The following ZFPM2 variants were observed in gnomAD, a reference collection of about 807,000 sequenced individuals.
ZFPM2 encodes zinc finger protein ZFPM2.
A neutral mutation model predicts 98.6 loss-of-function variants in ZFPM2; 20 were observed. That is an observed-to-expected ratio of 0.20 (90% confidence interval 0.14 to 0.29). The LOEUF is 0.29. ZFPM2 is among the 10% of genes least tolerant of loss of function. The pLI is 1.00. For missense variants in ZFPM2, 1,310 were observed against 1,388.6 expected (o/e 0.94, Z 0.90); for synonymous variants, 518 against 502.7 (o/e 1.03, Z -0.41).
chr8:105,432,146 A>G (rs1405220905), intron 2 of ZFPM2, among the ~76,000 whole-genome samples: 2 of 152,154 alleles, frequency 1.3e-5, no homozygotes, highest in Non-Finnish European at 2.9e-5. Flanking sequence ...GAGACGAAGC[A>G]TAAAGAGGAA....
chr8:105,328,214 A>G (rs1812150059), intron 1 of ZFPM2, among the ~76,000 whole-genome samples: 1 of 151,814 alleles, frequency 6.6e-6, no homozygotes, highest in Admixed American at 6.6e-5. Context: ...TTTTCAAAAT[A>G]TAGCTCAGTG....
intron 5 of ZFPM2, among the ~76,000 whole-genome samples, chr8:105,772,267 G>A (rs1442770318): frequency 6.6e-6 from 1 of 152,136 alleles, no homozygotes; most frequent in Non-Finnish European, 1.5e-5. Context: ...TTAAATTCAA[G>A]TGGGGAAAAG....
In ZFPM2 at chr8:105,494,183, G is replaced by GTATATATATATATA. The variant is rs61035457; in HGVS notation, c.301+49833_301+49846dup. On this transcript the variant is annotated intron_variant, in intron 3 of 7. Coordinates refer to ENST00000407775, the MANE Select transcript of ZFPM2 (RefSeq NM_012082.4). ...GCTCACATTTAAGCTGCCACCAAAAGTATATATATATATATATATATATAT... is the reference window on the plus strand; with the variant it reads ...GCTCACATTTAAGCTGCCACCAAAAGTATATATATATATATATATATATATATATATATATATAT... Among the ~76,000 whole-genome samples the GTATATATATATATA allele has an allele frequency of 2.6e-3, 153 of 59,994 alleles. 7 individuals carry two copies. Among genetic ancestry groups the GTATATATATATATA allele is most frequent in the Non-Finnish European group, 3.0e-3 (90 of 30,414 alleles). The allele number at this position is 59,994 out of a possible 152,430, so 39.4% of individuals were successfully genotyped here.
intron 5 of ZFPM2, among the ~76,000 whole-genome samples, chr8:105,657,222 T>G (rs903634738): frequency 2.0e-5 from 3 of 152,122 alleles, no homozygotes; most frequent in African/African-American, 7.2e-5. Context: ...CACTGCAACC[T>G]CTGTCTCCTG....
intron 3 of ZFPM2, among the ~76,000 whole-genome samples, chr8:105,516,607 T>C (rs749762765): frequency 2.0e-5 from 3 of 152,184 alleles, no homozygotes; most frequent in African/African-American, 4.8e-5. Flanking sequence ...CAGTCTGTCC[T>C]TAAGGTGGCC....
At chr8:105,644,591 C>T (rs1817007551) in intron 5 of ZFPM2, among the ~76,000 whole-genome samples, 2 of 151,990 alleles carry the variant, frequency 1.3e-5, no homozygotes, top group South Asian at 2.1e-4. Context: ...CTCTCTTTCT[C>T]CTCTATATCC....
chr8:105,477,237 C>CTTTTTTTTTTTTTTTTTTTTTTTTTT (rs397891589), intron 3 of ZFPM2, among the ~76,000 whole-genome samples: 1 of 74,474 alleles, frequency 1.3e-5, no homozygotes, highest in Non-Finnish European at 2.4e-5. Context: ...TGCTAGCAAT[C>CTTTTTTTTTTTTTTTTTTTTTTTTTT]TTTTTTTTTT....
At chr8:105,458,564 A>G (rs1467495729) in intron 3 of ZFPM2, among the ~76,000 whole-genome samples, 2 of 152,240 alleles carry the variant, frequency 1.3e-5, no homozygotes, top group Non-Finnish European at 1.5e-5. Flanking sequence ...GGATGGAGAC[A>G]TGTTGCCACT....
chr8:105,514,909 G>A (rs1337482903), intron 3 of ZFPM2, among the ~76,000 whole-genome samples: 1 of 152,140 alleles, frequency 6.6e-6, no homozygotes, highest in African/African-American at 2.4e-5. Flanking sequence ...GTATCCATAT[G>A]AATGAATGCA....
At chr8:105,468,320 T>C (rs1460725430) in intron 3 of ZFPM2, among the ~76,000 whole-genome samples, 1 of 152,104 alleles carries the variant, frequency 6.6e-6, no homozygotes, top group Non-Finnish European at 1.5e-5. Context: ...CCATTACCCC[T>C]GTAACCTCAT....
chr8:105,353,382 A>AT (rs1167072901), intron 1 of ZFPM2, among the ~76,000 whole-genome samples: 2 of 152,008 alleles, frequency 1.3e-5, no homozygotes, highest in African/African-American at 2.4e-5. Flanking sequence ...ATATTCTGAT[A>AT]TTTTTTTCAA....
chr8:105,486,150 G>A (rs533835226), intron 3 of ZFPM2, among the ~76,000 whole-genome samples: 7 of 152,080 alleles, frequency 4.6e-5, no homozygotes, highest in South Asian at 2.1e-4. Context: ...GTGAGAAGGC[G>A]ATAATCTCCT....
chr8:105,555,744 T>A (rs1814974079), intron 3 of ZFPM2, among the ~76,000 whole-genome samples: 1 of 152,096 alleles, frequency 6.6e-6, no homozygotes. Context: ...GGAAGAAAAA[T>A]TCGGTTTTCT....
At chr8:105,517,993 T>C (rs1320650322) in intron 3 of ZFPM2, among the ~76,000 whole-genome samples, 1 of 152,144 alleles carries the variant, frequency 6.6e-6, no homozygotes, top group East Asian at 1.9e-4. Flanking sequence ...CTGGCCAATG[T>C]TTACTCTATT....
At chr8:105,445,051 A>C (rs1228658273) in intron 3 of ZFPM2, among the ~76,000 whole-genome samples, 1 of 152,218 alleles carries the variant, frequency 6.6e-6, no homozygotes, top group African/African-American at 2.4e-5. Flanking sequence ...AATGGAGACT[A>C]TTATGTCACA....
chr8:105,599,554 A>T (rs2130781277), intron 4 of ZFPM2, among the ~76,000 whole-genome samples: 1 of 152,138 alleles, frequency 6.6e-6, no homozygotes, highest in Admixed American at 6.6e-5. Context: ...CCTTGAGCTG[A>T]TCAGAGGATC....
intron 3 of ZFPM2, among the ~76,000 whole-genome samples, chr8:105,560,396 A>G (rs1815107122): frequency 6.6e-6 from 1 of 151,976 alleles, no homozygotes. Context: ...TTAAAACACA[A>G]TGAAGTTAGG....
At chr8:105,322,387 T>A (rs541687146) in intron 1 of ZFPM2, among the ~76,000 whole-genome samples, 1 of 152,188 alleles carries the variant, frequency 6.6e-6, no homozygotes, top group Admixed American at 6.5e-5. Flanking sequence ...TACTGCCTTA[T>A]ATGTCCCCAA....
At chr8:105,787,333 G>T in intron 5 of ZFPM2, 1 of 152,276 alleles carries the variant, frequency 6.6e-6, no homozygotes, top group Non-Finnish European at 1.5e-5. Context: ...TACTTTTCTA[G>T]CATTTTAGTG....
Sources: allele counts gnomAD v4.1 joint callset (sites outside exome capture counted in the v4.1 genomes callset), GRCh38; gene constraint gnomAD v4.1.1; transcripts MANE v1.5; gene names NCBI Gene and HGNC (gene_info 2026-07-23, HGNC 2026-07-21).